The following RNF8 variants were observed in gnomAD, a reference collection of about 807,000 sequenced individuals.
RNF8 encodes the protein E3 ubiquitin-protein ligase RNF8.
A neutral mutation model predicts 59.3 loss-of-function variants in RNF8; 8 were observed. The observed-to-expected ratio is 0.13, with a 90% CI of 0.08 to 0.24. The LOEUF (loss-of-function observed/expected upper bound fraction) is 0.24. Among genes scored for constraint, RNF8 ranks in the 10% least tolerant of loss-of-function variants. RNF8 has a pLI of 1.00. For missense variants in RNF8, 406 were observed against 572.6 expected (o/e 0.71, Z 2.97); for synonymous variants, 162 against 200.0 (o/e 0.81, Z 1.60).
At chr6:37,359,928 T>C (rs766875103) in intron 1 of RNF8, among the ~76,000 whole-genome samples, 3 of 152,216 alleles carry the variant, frequency 2.0e-5, no homozygotes, top group Non-Finnish European at 2.9e-5. Flanking sequence ...TTGAAGTAAC[T>C]GGGAATACAG....
At chr6:37,381,691 T>G (rs1770270200) in intron 7 of RNF8, among the ~76,000 whole-genome samples, 1 of 152,212 alleles carries the variant, frequency 6.6e-6, no homozygotes, top group South Asian at 2.1e-4. Context: ...GTCAAGACAC[T>G]TCAGTTGCTG....
chr6:37,375,853 G>C (rs747793639), intron 5 of RNF8, among the ~76,000 whole-genome samples: 3 of 152,178 alleles, frequency 2.0e-5, no homozygotes, highest in Non-Finnish European at 4.4e-5. Context: ...TTGTTTTGGG[G>C]GTGAAGTGCT....
chr6:37,359,229 G>A, intron 1 of RNF8: 1 of 454,360 alleles, frequency 2.2e-6, no homozygotes, highest in Non-Finnish European at 4.4e-6. Context: ...TGATAGATGT[G>A]AACTGGGGCT....
chr6:37,382,336 T>C (rs1202856641), intron 7 of RNF8, among the ~76,000 whole-genome samples: 2 of 152,046 alleles, frequency 1.3e-5, no homozygotes, highest in Admixed American at 1.3e-4. Context: ...AAAGGTTCCC[T>C]AGGAGGTTAG....
In RNF8 at chr6:37,360,665, A is replaced by G; in HGVS notation, c.240+91A>G. 7.5e-7 allele frequency: 1 copy of G among 1,324,540 alleles called. No homozygotes were observed. The highest frequency in any genetic ancestry group is 1.0e-6 in the Non-Finnish European group (1 of 979,340). 82.0% of individuals were successfully genotyped at this position (1,324,540 alleles called of 1,614,324 possible). ...ATAGGTAATTCATGGTATAAAATTC[A>G]AAAGTATAACTTCTTCTTTCCTAGC... On this transcript the variant is annotated intron_variant, in intron 2 of 7. Coordinates refer to ENST00000373479, the MANE Select transcript of RNF8 (RefSeq NM_003958.4). The surrounding 1 kb of genome is among the most constrained non-coding windows in gnomAD (Gnocchi z 4.2).
chr6:37,380,884 T>C (rs1770233999), intron 6 of RNF8, among the ~76,000 whole-genome samples: 1 of 152,012 alleles, frequency 6.6e-6, no homozygotes. Flanking sequence ...GGTTTTACCA[T>C]GTTGCCCAGG....
intron 1 of RNF8, among the ~76,000 whole-genome samples, chr6:37,358,534 G>A (rs921901646): frequency 2.0e-5 from 3 of 152,118 alleles, no homozygotes; most frequent in African/African-American, 7.2e-5. Flanking sequence ...TTTCAATGTG[G>A]GGATGAGGGA....
chr6:37,366,540 G>C (rs1396372409), intron 2 of RNF8, among the ~76,000 whole-genome samples: 3 of 152,200 alleles, frequency 2.0e-5, no homozygotes, highest in South Asian at 2.1e-4. Context: ...TAATATTTCT[G>C]TATGTATCTA....
chr6:37,357,014 CA>C (rs1769145205), intron 1 of RNF8, among the ~76,000 whole-genome samples: 1 of 152,220 alleles, frequency 6.6e-6, no homozygotes, highest in South Asian at 2.1e-4. Flanking sequence ...GCTGGAATTA[CA>C]GGTGTGAGCC....
chr6:37,388,431 G>A (rs923420350), intron 7 of RNF8, among the ~76,000 whole-genome samples: 1 of 150,682 alleles, frequency 6.6e-6, no homozygotes, highest in Non-Finnish European at 1.5e-5. Flanking sequence ...TGGATCTGGA[G>A]CCTGAAGGAC....
At chr6:37,375,265 T>C (rs1337131361) in intron 5 of RNF8, among the ~76,000 whole-genome samples, 1 of 152,202 alleles carries the variant, frequency 6.6e-6, no homozygotes, top group Non-Finnish European at 1.5e-5. Flanking sequence ...AGGAGGCAAC[T>C]CTTCTCTGCT....
In RNF8 at chr6:37,354,282, G is replaced by A; in HGVS notation, c.111+7G>A. The A allele has an allele frequency of 6.4e-7, 1 of 1,555,702 alleles. No homozygotes were observed. Among genetic ancestry groups the A allele is most frequent in the Non-Finnish European group, 8.7e-7 (1 of 1,154,920 alleles). ...GCTGGAAGATGGGTGCGAGGTACGG[G>A]GGAAGGGGTCCTGTGGAGCGGAGGG... On this transcript the variant is annotated splice_region_variant and intron_variant, in intron 1 of 7. Transcript: ENST00000373479.
Position 37,390,930 on chromosome 6 carries a change from C to A in RNF8, c.*172C>A. Reference sequence around the variant, plus strand: ...TCACTTGCCTTCCACGGTGGCCAGCCCTGCTGCCATCATTGGCTGAAGCAC... The same window carrying A: ...TCACTTGCCTTCCACGGTGGCCAGCACTGCTGCCATCATTGGCTGAAGCAC... On this transcript the variant is annotated 3_prime_UTR_variant, in exon 8 of 8. Transcript: ENST00000373479. 1 of 1,057,628 alleles carries A rather than the reference C, an allele frequency of 9.5e-7. No individual in the cohort carries two copies. The highest frequency in any genetic ancestry group is 2.4e-5 in the East Asian group (1 of 41,778). 65.5% of individuals were successfully genotyped at this position (1,057,628 alleles called of 1,614,324 possible).
In RNF8 at chr6:37,392,787, T is replaced by C; in HGVS notation, c.*2029T>C. ...GTTAACACCCTTGTACATATATCTT[T>C]AGAGAGAAGATATTTTAAAAAGAAA... On this transcript the variant is annotated 3_prime_UTR_variant, in exon 8 of 8. Coordinates refer to ENST00000373479, the MANE Select transcript of RNF8 (RefSeq NM_003958.4). 1 of 397,886 alleles carries C rather than the reference T, an allele frequency of 2.5e-6. No homozygotes were observed. The highest frequency in any genetic ancestry group is 1.4e-4 in the South Asian group (1 of 7,390). The allele number at this position is 397,886 out of a possible 1,614,324, so 24.6% of individuals were successfully genotyped here.
At chr6:37,374,558 G>T in intron 4 of RNF8, 62 bp from the exon 5 acceptor site, 1 of 1,254,792 alleles carries the variant, frequency 8.0e-7, no homozygotes, top group African/African-American at 1.5e-5. Context: ...AGGCATGTTT[G>T]TGGCTAAAAG....
At chr6:37,364,134 A>C (rs577856555) in intron 2 of RNF8, among the ~76,000 whole-genome samples, 1 of 142,248 alleles carries the variant, frequency 7.0e-6, no homozygotes, top group Non-Finnish European at 1.5e-5. Flanking sequence ...AGCCGAGATC[A>C]GGCCATTGCA....
intron 3 of RNF8, 73 bp from the exon 4 acceptor site, chr6:37,371,439 G>A (rs1472307860): frequency 1.5e-6 from 2 of 1,317,974 alleles, no homozygotes; most frequent in Non-Finnish European, 2.2e-6. Flanking sequence ...GGTCTGCTCT[G>A]CTTGTTGCTG....
At chr6:37,378,668 G>A (rs912713115) in intron 6 of RNF8, among the ~76,000 whole-genome samples, 3 of 151,824 alleles carry the variant, frequency 2.0e-5, no homozygotes, top group Admixed American at 6.6e-5. Flanking sequence ...TGATCTTTAG[G>A]GAAGTTGGGT....
chr6:37,374,494 A>G, intron 4 of RNF8, 126 bp from the exon 5 acceptor site: 1 of 664,516 alleles, frequency 1.5e-6, no homozygotes, highest in Non-Finnish European at 2.6e-6. Flanking sequence ...TTATTTTGAA[A>G]TTGCCAATTT....
Sources: gnomAD v4.1 joint callset for allele counts (sites outside exome capture counted in the v4.1 genomes callset) on GRCh38, gnomAD v4.1.1 for gene constraint, Gnocchi (gnomAD v3.1) non-coding constraint, MANE v1.5 for transcripts, NCBI Gene and HGNC (gene_info 2026-07-23, HGNC 2026-07-21) for gene names.